The following SYNGR2 variants were observed in gnomAD, a reference collection of about 807,000 sequenced individuals.
The protein encoded by SYNGR2 is synaptogyrin 2, also known as synaptogyrin-2.
A neutral mutation model predicts 18.7 loss-of-function variants in SYNGR2; 11 were observed. The observed-to-expected ratio is 0.59, with a 90% CI of 0.37 to 0.97. The LOEUF is 0.97. Among genes scored for constraint, SYNGR2 ranks in the 50% least tolerant of loss-of-function variants. SYNGR2 has a pLI of 0.01. For missense variants in SYNGR2, 253 were observed against 300.7 expected, an observed-to-expected ratio of 0.84 and a Z score of 1.17; for synonymous variants, 127 against 131.0, an observed-to-expected ratio of 0.97 and a Z score of 0.21.
At position 78,171,389 on chromosome 17, in the gene SYNGR2, C is replaced by A; in HGVS notation, c.338-121C>A. 7.8e-7 allele frequency: 1 copy of A among 1,277,088 alleles called. No homozygotes were observed. The highest frequency in any genetic ancestry group is 1.1e-6 in the Non-Finnish European group (1 of 935,392). 79.1% of individuals were successfully genotyped at this position (1,277,088 alleles called of 1,614,324 possible). On this transcript the variant is annotated intron_variant, in intron 2 of 3. Coordinates refer to ENST00000225777, the MANE Select transcript of SYNGR2 (RefSeq NM_004710.7). This position sits in a 1 kb window ranked among gnomAD's most constrained non-coding sequence, Gnocchi z 6.6. ...GCTCCCGGCCCGGCTTCCAAGTCCT[C>A]CCCTCCATAGTGTGGAGGCTCCCCC...
At chr17:78,168,741 G>A in intron 1 of SYNGR2, 26 bp downstream of exon 1, 1 of 1,191,826 alleles carries the variant, frequency 8.4e-7, no homozygotes, top group Non-Finnish European at 1.0e-6. Context: ...GCGGGCCGAG[G>A]GCACCCTGGG....
Position 78,168,587 on chromosome 17 carries a change from CGCGGCG to C in SYNGR2, c.-24_-19del. The stretch of plus-strand genomic sequence containing the variant: ...GCGCCGGGCAGGTTCCTCTGCGTTC[CGCGGCG>C]GCGGCAGCGGCGGCGACGGCGACAT... On this transcript the variant is annotated 5_prime_UTR_variant, in exon 1 of 4. Transcript: ENST00000225777. 1.7e-6 allele frequency: 2 copies of C among 1,176,422 alleles called. No homozygotes were observed. Among genetic ancestry groups the C allele is most frequent in the Non-Finnish European group, 2.1e-6 (2 of 946,832 alleles). 72.9% of individuals were successfully genotyped at this position (1,176,422 alleles called of 1,614,324 possible).
In SYNGR2 at chr17:78,170,857, G is replaced by A. The variant is rs1438424594; in HGVS notation, c.140G>A (p.Gly47Asp). 2 of 1,613,052 alleles carry A rather than the reference G, an allele frequency of 1.2e-6. No homozygotes were observed. The highest frequency in any genetic ancestry group is 1.1e-5 in the South Asian group (1 of 91,084). Residue 47 changes from glycine (G) to aspartate (D), a missense_variant, in exon 2 of 4, where the codon GGC becomes GAC. Physicochemically the swap from Gly to Asp is moderately conservative, Grantham distance 94 (BLOSUM62 -1). Transcript: ENST00000225777. ...LIVFSCIYGE[G>D]YSNAHESKQM... ...GTGTTCTCCTGCATCTATGGTGAGG[G>A]CTACAGCAATGCCCACGAGTCTAAG... is the stretch of plus-strand genomic sequence containing the variant.
In SYNGR2 at chr17:78,171,397, T is replaced by G; in HGVS notation, c.338-113T>G. ...CCCGGCTTCCAAGTCCTCCCCTCCA[T>G]AGTGTGGAGGCTCCCCCGGGAGGTC... On this transcript the variant is annotated intron_variant, in intron 2 of 3. Transcript: ENST00000225777. This position sits in a 1 kb window ranked among gnomAD's most constrained non-coding sequence, Gnocchi z 6.6. The G allele has an allele frequency of 3.1e-6, 4 of 1,310,676 alleles. No homozygotes were observed. Among genetic ancestry groups the G allele is most frequent in the Non-Finnish European group, 3.1e-6 (3 of 961,668 alleles). 81.2% of individuals were successfully genotyped at this position (1,310,676 alleles called of 1,614,324 possible). A position where few individuals can be genotyped will look rare whatever the true frequency, so the allele number is the denominator to read the frequency against.
At chr17:78,170,739 T>G in intron 1 of SYNGR2, 78 bp from the exon 2 acceptor site, 1 of 1,254,240 alleles carries the variant, frequency 8.0e-7, no homozygotes, top group South Asian at 1.3e-5. Flanking sequence ...GGCCAGCATC[T>G]GTACACCCCA....
chr17:78,172,130 C>T lies in SYNGR2; in HGVS notation c.*194C>T, dbSNP rs1265242232. 1.8e-5 allele frequency: 24 copies of T among 1,333,110 alleles called. No homozygotes were observed. In the East Asian group the frequency reaches 6.1e-4, roughly 34 times the overall value. 82.6% of individuals were successfully genotyped at this position (1,333,110 alleles called of 1,614,324 possible). A position where few individuals can be genotyped will look rare whatever the true frequency, so the allele number is the denominator to read the frequency against. Reference sequence around the variant, plus strand: ...CCAAGTGCCTGTGCCCAGAGGGCTTCAGTCAGCCGCTCACTCCTCCAGGGC... The same window carrying T: ...CCAAGTGCCTGTGCCCAGAGGGCTTTAGTCAGCCGCTCACTCCTCCAGGGC... On this transcript the variant is annotated 3_prime_UTR_variant, in exon 4 of 4. Transcript: ENST00000225777.
At chr17:78,168,836 C>A in intron 1 of SYNGR2, 121 bp downstream of exon 1, 1 of 838,524 alleles carries the variant, frequency 1.2e-6, no homozygotes, top group Non-Finnish European at 1.5e-6. Context: ...GGCCTGGCGG[C>A]GAGCGGGGCC....
At position 78,170,888 on chromosome 17, in the gene SYNGR2, G is replaced by A. The variant is rs780322850; in HGVS notation, c.171G>A (p.Met57Ile). Residue 57 changes from methionine to isoleucine, a missense_variant, in exon 2 of 4, where the codon ATG becomes ATA. Met to Ile is a conservative substitution (Grantham distance 10). Transcript: ENST00000225777. ...GCAATGCCCACGAGTCTAAGCAGAT[G>A]TACTGCGTGTTCAACCGCAACGAGG... is the stretch of plus-strand genomic sequence containing the variant. ...GYSNAHESKQ[M>I]YCVFNRNEDA... The A allele has an allele frequency of 1.9e-6, 3 of 1,613,458 alleles. No homozygotes were observed. Among genetic ancestry groups the A allele is most frequent in the Admixed American group, 1.7e-5 (1 of 60,014 alleles).
rs570881006 is a variant in SYNGR2 at position 78,170,749 on chromosome 17, A to G, written c.100-68A>G. The G allele has an allele frequency of 7.0e-5, 98 of 1,397,564 alleles. No homozygotes were observed. The African/African-American group carries it at 7.7e-4, about 11-fold the overall frequency. The allele number at this position is 1,397,564 out of a possible 1,614,324, so 86.6% of individuals were successfully genotyped here. A position where few individuals can be genotyped will look rare whatever the true frequency, so the allele number is the denominator to read the frequency against. On this transcript the variant is annotated intron_variant, in intron 1 of 3. Transcript: ENST00000225777. ...GGAGAGGCCAGCATCTGTACACCCCATCAGGGTCCCCGCTGTGTGTGCCCC... is the reference window on the plus strand; with the variant it reads ...GGAGAGGCCAGCATCTGTACACCCCGTCAGGGTCCCCGCTGTGTGTGCCCC...
chr17:78,171,626 A>G lies in SYNGR2; in HGVS notation c.454A>G (p.Ser152Gly), dbSNP rs2075659409. 6.3e-7 allele frequency: 1 copy of G among 1,590,116 alleles called. No individual in the cohort carries two copies. The highest frequency in any genetic ancestry group is 2.3e-5 in the East Asian group (1 of 44,406). ...ADSVRAAITFSFFSIFSWGVL... is the reference protein window; with the variant it reads ...ADSVRAAITFGFFSIFSWGVL... ...CTCTGTGAGGGCAGCCATCACCTTC[A>G]GCTTCTTTTCCATCTTCTCCTGGGT... The change falls in exon 3 of 4, where the codon AGC (serine) becomes GGC (glycine). Residue 152 changes from serine to glycine, a missense_variant. By Grantham distance (56) the Ser-to-Gly change is moderately conservative (BLOSUM62 0). Transcript: ENST00000225777. The surrounding 1 kb of genome is among the most constrained non-coding windows in gnomAD (Gnocchi z 6.6).
Position 78,172,283 on chromosome 17 carries a change from G to A in SYNGR2, c.*347G>A, listed in dbSNP as rs1442080730. On this transcript the variant is annotated 3_prime_UTR_variant, in exon 4 of 4. Transcript: ENST00000225777. ...AAGTGCCTCAGCTTCCCCCCGGCCC[G>A]GGTCAGGCCGTGGGAGCCGCTATTA... 27 of 521,792 alleles carry A rather than the reference G, an allele frequency of 5.2e-5. No homozygotes were observed. Among genetic ancestry groups the A allele is most frequent in the African/African-American group, 9.5e-5 (5 of 52,834 alleles). The allele number at this position is 521,792 out of a possible 1,614,324, so 32.3% of individuals were successfully genotyped here.
rs929326361 is a variant in SYNGR2, at chr17:78,169,400, A to G, written c.99+685A>G. ...GGGCCTGGAGCTTCTGAGGTCCTCC[A>G]GGGCGCCCACACCAGCTCCCAGCCA... On this transcript the variant is annotated intron_variant, in intron 1 of 3. Coordinates refer to ENST00000225777, the MANE Select transcript of SYNGR2 (RefSeq NM_004710.7). 8.5e-5 allele frequency among the ~76,000 whole-genome samples: 13 copies of G among 152,216 alleles called. No individual in the cohort carries two copies. The South Asian group carries it at 2.5e-3, about 29-fold the overall frequency.
In SYNGR2 at chr17:78,171,752, C is replaced by T. The variant is rs1202496399; in HGVS notation, c.491C>T (p.Ser164Phe). The change falls in exon 4 of 4, where the codon TCC (serine) becomes TTC (phenylalanine). Residue 164 changes from serine to phenylalanine, a missense_variant. By Grantham distance (155) the Ser-to-Phe change is radical. Coordinates refer to ENST00000225777, the MANE Select transcript of SYNGR2 (RefSeq NM_004710.7). This position sits in a 1 kb window ranked among gnomAD's most constrained non-coding sequence, Gnocchi z 6.6. ...FSIFSWGVLA[S>F]LAYQRYKAGV... ...CTCCCCCTGCAGGGTGTGCTGGCCT[C>T]CCTGGCCTACCAGCGCTACAAGGCT... is the stretch of plus-strand genomic sequence containing the variant. 2 of 1,614,102 alleles carry T rather than the reference C, an allele frequency of 1.2e-6. No homozygotes were observed. The highest frequency in any genetic ancestry group is 1.7e-6 in the Non-Finnish European group (2 of 1,179,986).
In SYNGR2 at chr17:78,171,357, G is replaced by T; in HGVS notation, c.338-153G>T. On this transcript the variant is annotated intron_variant, in intron 2 of 3. Transcript: ENST00000225777. The surrounding 1 kb of genome is among the most constrained non-coding windows in gnomAD (Gnocchi z 6.6). ...CCAAGGCCCGAGTGTGGGGGACTTT[G>T]GAGGTGGCTCCCGGCCCGGCTTCCA... 1.1e-6 allele frequency: 1 copy of T among 952,372 alleles called. No individual in the cohort carries two copies. The highest frequency in any genetic ancestry group is 1.5e-6 in the Non-Finnish European group (1 of 658,468). 59.0% of individuals were successfully genotyped at this position (952,372 alleles called of 1,614,324 possible). A position where few individuals can be genotyped will look rare whatever the true frequency, so the allele number is the denominator to read the frequency against.
chr17:78,171,731 C>T lies in SYNGR2; in HGVS notation c.478-8C>T. ...ACCCACCTGTACCCTGCTGTGCTCC[C>T]CCTGCAGGGTGTGCTGGCCTCCCTG... is the stretch of plus-strand genomic sequence containing the variant. On this transcript the variant is annotated splice_region_variant and splice_polypyrimidine_tract_variant and intron_variant, in intron 3 of 3. Transcript: ENST00000225777. The surrounding 1 kb of genome is among the most constrained non-coding windows in gnomAD (Gnocchi z 6.6). 1.2e-6 allele frequency: 2 copies of T among 1,614,034 alleles called. No individual in the cohort carries two copies. The highest frequency in any genetic ancestry group is 1.1e-5 in the South Asian group (1 of 91,084).
At position 78,172,362 on chromosome 17, in the gene SYNGR2, G is replaced by A. The variant is rs113729369; in HGVS notation, c.*426G>A. ...GGCCATCACACCTGCCCTGTGCAGC[G>A]GAGCCGGACCAGGCTCTTGTGTCCT... On this transcript the variant is annotated 3_prime_UTR_variant, in exon 4 of 4. Coordinates refer to ENST00000225777, the MANE Select transcript of SYNGR2 (RefSeq NM_004710.7). The A allele has an allele frequency of 4.1e-5, 13 of 316,034 alleles. No homozygotes were observed. The highest frequency in any genetic ancestry group is 5.3e-5 in the Non-Finnish European group (9 of 170,544). 19.6% of individuals were successfully genotyped at this position (316,034 alleles called of 1,614,324 possible).
chr17:78,171,159 A>C lies in SYNGR2; in HGVS notation c.337+105A>C. The C allele has an allele frequency of 9.0e-7, 1 of 1,115,584 alleles. No homozygotes were observed. The highest frequency in any genetic ancestry group is 2.4e-5 in the East Asian group (1 of 41,924). The allele number at this position is 1,115,584 out of a possible 1,614,324, so 69.1% of individuals were successfully genotyped here. The stretch of plus-strand genomic sequence containing the variant: ...CTCTGGGAGGGGCAGGGAGCAGCTC[A>C]CTCCTCCAGGGCATTTTTAGGAAAG... On this transcript the variant is annotated intron_variant, in intron 2 of 3. Transcript: ENST00000225777. This position sits in a 1 kb window ranked among gnomAD's most constrained non-coding sequence, Gnocchi z 6.6.
intron 1 of SYNGR2, 155 bp from the exon 2 acceptor site, chr17:78,170,662 G>A: frequency 1.4e-6 from 1 of 699,334 alleles, no homozygotes; most frequent in Non-Finnish European, 2.5e-6. Context: ...TCCAGCCTGG[G>A]CAACAAGAGC....
At position 78,168,685 on chromosome 17, in the gene SYNGR2, G is replaced by A; in HGVS notation, c.69G>A (p.Gln23=). 3 of 1,203,382 alleles carry A rather than the reference G, an allele frequency of 2.5e-6. No individual in the cohort carries two copies. The highest frequency in any genetic ancestry group is 2.1e-6 in the Non-Finnish European group (2 of 969,548). The allele number at this position is 1,203,382 out of a possible 1,614,324, so 74.5% of individuals were successfully genotyped here. A position where few individuals can be genotyped will look rare whatever the true frequency, so the allele number is the denominator to read the frequency against. ...GSFDLRRFLT[Q]PQVVARAVCL... ...TCGACCTGCGGCGCTTCCTGACGCAGCCGCAGGTGGTGGCGCGCGCCGTGT... is the reference window on the plus strand; with the variant it reads ...TCGACCTGCGGCGCTTCCTGACGCAACCGCAGGTGGTGGCGCGCGCCGTGT... Residue 23 remains glutamine (Q), a synonymous_variant, in exon 1 of 4, where the codon CAG becomes CAA. Transcript: ENST00000225777.
Sources: allele counts gnomAD v4.1 joint callset (sites outside exome capture counted in the v4.1 genomes callset), GRCh38; gene constraint gnomAD v4.1.1; non-coding constraint Gnocchi (gnomAD v3.1); transcripts MANE v1.5; gene names NCBI Gene and HGNC (gene_info 2026-07-23, HGNC 2026-07-21).